Variants in MARCHF1 observed in about 807,000 individuals in gnomAD.
MARCHF1 encodes E3 ubiquitin-protein ligase MARCHF1.
In MARCHF1, 40 loss-of-function variants were observed where a neutral mutation model predicts 54.2. The ratio of observed to expected loss-of-function variants is 0.74; its 90% CI spans 0.57 to 0.96. MARCHF1 has a LOEUF of 0.96. MARCHF1 is among the 40% of genes least tolerant of loss of function. MARCHF1 has a pLI of 0.00. For missense variants in MARCHF1, 586 were observed against 656.5 expected (o/e 0.89, Z 1.17); for synonymous variants, 236 against 236.3 (o/e 1.00, Z 0.01).
chr4:164,025,994 A>G (rs1753759127), intron 2 of MARCHF1, among the ~76,000 whole-genome samples: 2 of 152,122 alleles, frequency 1.3e-5, no homozygotes, highest in Admixed American at 6.6e-5. Context: ...ATTCCTGGAA[A>G]GACACAGCCT....
At chr4:164,061,095 G>C (rs1754606622) in intron 2 of MARCHF1, among the ~76,000 whole-genome samples, 1 of 152,022 alleles carries the variant, frequency 6.6e-6, no homozygotes, top group South Asian at 2.1e-4. Flanking sequence ...AACTATTGCA[G>C]TCTTTCTACA....
chr4:164,244,454 A>G (rs1198594056), intron 1 of MARCHF1, among the ~76,000 whole-genome samples: 3 of 150,030 alleles, frequency 2.0e-5, no homozygotes. Flanking sequence ...ACGCATTCAA[A>G]GCAGTGTGTA....
chr4:163,745,461 C>T (rs902010423), intron 4 of MARCHF1, among the ~76,000 whole-genome samples: 5 of 152,022 alleles, frequency 3.3e-5, no homozygotes, highest in African/African-American at 4.8e-5. Context: ...TACTCGACCC[C>T]GCTGATACAA....
intron 2 of MARCHF1, among the ~76,000 whole-genome samples, chr4:164,057,422 TAC>T (rs1176352759): frequency 1.3e-5 from 2 of 152,226 alleles, no homozygotes; most frequent in African/African-American, 4.8e-5. Flanking sequence ...CATTATTTCA[TAC>T]AATTTAGATT....
intron 3 of MARCHF1, among the ~76,000 whole-genome samples, chr4:163,919,030 C>T (rs1579391828): frequency 6.6e-6 from 1 of 152,070 alleles, no homozygotes; most frequent in Non-Finnish European, 1.5e-5. Context: ...AGACCATAAG[C>T]ATTTCTAAAG....
chr4:163,611,513 A>T (rs1215448721), intron 7 of MARCHF1, among the ~76,000 whole-genome samples: 1 of 152,134 alleles, frequency 6.6e-6, no homozygotes, highest in Non-Finnish European at 1.5e-5. Context: ...ATTAGGTATA[A>T]TATGAAAATG....
At chr4:164,204,036 C>T (rs548353771) in intron 1 of MARCHF1, among the ~76,000 whole-genome samples, 1 of 152,280 alleles carries the variant, frequency 6.6e-6, no homozygotes, top group South Asian at 2.1e-4. Context: ...CTGGGCATCA[C>T]TCTACTAGTA....
At chr4:164,196,648 G>A (rs1367843885) in intron 1 of MARCHF1, among the ~76,000 whole-genome samples, 1 of 151,722 alleles carries the variant, frequency 6.6e-6, no homozygotes, top group South Asian at 2.1e-4. Context: ...CTTTTCCTTG[G>A]ACTAAAAGGA....
chr4:163,548,429 T>C (rs1055315542), intron 8 of MARCHF1, among the ~76,000 whole-genome samples: 4 of 152,198 alleles, frequency 2.6e-5, no homozygotes, highest in Non-Finnish European at 5.9e-5. Flanking sequence ...TGGAACACTA[T>C]TAAAAAGTAA....
intron 3 of MARCHF1, among the ~76,000 whole-genome samples, chr4:163,984,511 C>A (rs1752823792): frequency 6.6e-6 from 1 of 152,112 alleles, no homozygotes; most frequent in Non-Finnish European, 1.5e-5. Context: ...CCAGAAACAG[C>A]CTTGGCCCCA....
At chr4:164,148,623 CAAATAA>C (rs1283052875) in intron 1 of MARCHF1, among the ~76,000 whole-genome samples, 1 of 152,106 alleles carries the variant, frequency 6.6e-6, no homozygotes, top group African/African-American at 2.4e-5. Flanking sequence ...TGAAGATCCT[CAAATAA>C]AAATAAAATT....
intron 3 of MARCHF1, among the ~76,000 whole-genome samples, chr4:163,905,577 G>A (rs961497160): frequency 5.9e-5 from 9 of 152,098 alleles, no homozygotes; most frequent in Non-Finnish European, 1.0e-4. Context: ...AGCAGGGGAA[G>A]GGATAGTTCT....
chr4:163,793,503 T>C (rs1579291409), intron 4 of MARCHF1, among the ~76,000 whole-genome samples: 1 of 152,236 alleles, frequency 6.6e-6, no homozygotes, highest in South Asian at 2.1e-4. Context: ...ATTTTCGTGA[T>C]AGATTGAAAG....
chr4:164,101,472 C>T (rs1433457573), intron 2 of MARCHF1, among the ~76,000 whole-genome samples: 1 of 125,444 alleles, frequency 8.0e-6, no homozygotes, highest in Non-Finnish European at 1.8e-5. Flanking sequence ...CCCGAGCAGC[C>T]TAACTGGGAG....
intron 4 of MARCHF1, among the ~76,000 whole-genome samples, chr4:163,844,891 T>C (rs1332697165): frequency 6.6e-6 from 1 of 152,164 alleles, no homozygotes; most frequent in African/African-American, 2.4e-5. Flanking sequence ...AGCAGAGTAA[T>C]TGTGCCAGGT....
chr4:163,680,852 TA>T (rs1227446216), intron 5 of MARCHF1, among the ~76,000 whole-genome samples: 20 of 152,116 alleles, frequency 1.3e-4, no homozygotes, highest in African/African-American at 4.8e-4. Context: ...TGTATTTCTA[TA>T]ATTTATTATT....
chr4:164,293,081 G>T (rs1269438865), intron 1 of MARCHF1, among the ~76,000 whole-genome samples: 1 of 151,968 alleles, frequency 6.6e-6, no homozygotes, highest in African/African-American at 2.4e-5. Flanking sequence ...CTGAGTATAA[G>T]AAATTATTTG....
chr4:163,804,992 T>C (rs1268418287), intron 4 of MARCHF1, among the ~76,000 whole-genome samples: 1 of 152,122 alleles, frequency 6.6e-6, no homozygotes, highest in African/African-American at 2.4e-5. Flanking sequence ...TGCTCTTAAA[T>C]AGTTTATTTT....
intron 4 of MARCHF1, among the ~76,000 whole-genome samples, chr4:163,746,639 C>T (rs1746370072): frequency 6.6e-6 from 1 of 152,178 alleles, no homozygotes; most frequent in Non-Finnish European, 1.5e-5. Context: ...ATCCTGTTCG[C>T]ACACTCTGGT....
Sources: gnomAD v4.1 joint callset for allele counts (sites outside exome capture counted in the v4.1 genomes callset) on GRCh38, gnomAD v4.1.1 for gene constraint, MANE v1.5 for transcripts, NCBI Gene and HGNC (gene_info 2026-07-23, HGNC 2026-07-21) for gene names.